TBXAS1: variants seen among roughly 807,000 people sequenced by gnomAD.
TBXAS1 encodes thromboxane-A synthase.
Under a neutral mutation model 60.7 loss-of-function variants are expected in TBXAS1, and 48 were observed. That is an observed-to-expected ratio of 0.79 (90% CI 0.63 to 1.01). The LOEUF is 1.01. Among genes scored for constraint, TBXAS1 ranks in the 50% least tolerant of loss-of-function variants. The pLI is 0.00. For synonymous variants in TBXAS1, 287 were observed against 269.7 expected (o/e 1.06, Z -0.63); for missense variants, 685 against 686.3 (o/e 1.00, Z 0.02).
At chr7:139,881,608 A>G (rs1444233452) in intron 3 of TBXAS1, among the ~76,000 whole-genome samples, 1 of 152,192 alleles carries the variant, frequency 6.6e-6, no homozygotes, top group Non-Finnish European at 1.5e-5. Context: ...TGCACTGAAT[A>G]TCCTCGTTTG....
intron 1 of TBXAS1, among the ~76,000 whole-genome samples, chr7:139,847,683 C>T (rs191150648): frequency 7.2e-5 from 11 of 152,292 alleles, no homozygotes; most frequent in Admixed American, 2.6e-4. Context: ...TATTTACCCC[C>T]GACCCCTGCA....
intron 10 of TBXAS1, among the ~76,000 whole-genome samples, chr7:140,008,391 T>G (rs73734173): frequency 0.1 from 15,648 of 151,946 alleles, 1,526 homozygotes; most frequent in African/African-American, 0.26. Context: ...TGTGCAGCCC[T>G]TCCCTGATCT....
chr7:139,884,303 T>C (rs1213124541), intron 3 of TBXAS1, among the ~76,000 whole-genome samples: 1 of 152,230 alleles, frequency 6.6e-6, no homozygotes, highest in Non-Finnish European at 1.5e-5. Context: ...TTCCAAGCCT[T>C]AACTCGGAAT....
chr7:139,897,781 A>G (rs886940871), intron 3 of TBXAS1, among the ~76,000 whole-genome samples: 3 of 152,168 alleles, frequency 2.0e-5, no homozygotes, highest in Non-Finnish European at 2.9e-5. Flanking sequence ...TGAGGGTAAC[A>G]TGGGCAGATG....
At chr7:139,791,183 T>C (rs1797370378) in intron 4 of TBXAS1, among the ~76,000 whole-genome samples, 1 of 152,208 alleles carries the variant, frequency 6.6e-6, no homozygotes, top group African/African-American at 2.4e-5. Context: ...TTGCCTCAGT[T>C]AGGTAACACT....
rs139210132 is a variant in TBXAS1 at position 139,971,243 on chromosome 7, G to C, written c.1134+9010G>C. Among the ~76,000 whole-genome samples the C allele has an allele frequency of 3.3e-3, 505 of 152,248 alleles. 4 individuals carry two copies. Among genetic ancestry groups the C allele is most frequent in the African/African-American group, 0.012 (484 of 41,548 alleles). On this transcript the variant is annotated intron_variant, in intron 9 of 12. Transcript: ENST00000448866. ...AGTTGCATCCTGACCACTAATATCA[G>C]AAAGGCCCCTCCTCCCAGCCCGTGA... is the stretch of plus-strand genomic sequence containing the variant.
intron 1 of TBXAS1, among the ~76,000 whole-genome samples, chr7:139,834,655 TA>T (rs1334282173): frequency 6.6e-6 from 1 of 152,020 alleles, no homozygotes; most frequent in East Asian, 1.9e-4. Flanking sequence ...CTGACACCAC[TA>T]AAATACAAAA....
chr7:139,829,304 A>G lies in TBXAS1; in HGVS notation c.-87A>G, dbSNP rs1798551880. 7.9e-7 allele frequency: 1 copy of G among 1,273,346 alleles called. No individual in the cohort carries two copies. The highest frequency in any genetic ancestry group is 1.3e-5 in the South Asian group (1 of 79,264). The allele number at this position is 1,273,346 out of a possible 1,614,324, so 78.9% of individuals were successfully genotyped here. ...TGCTTGGTTGCCTGTTCCCTTTTCT[A>G]CCTGCAGAGCACGGTTCCCATAAGG... On this transcript the variant is annotated 5_prime_UTR_variant, in exon 1 of 13. Transcript: ENST00000448866.
Position 139,975,676 on chromosome 7 carries a change from T to G in TBXAS1, c.1134+13443T>G, listed in dbSNP as rs970421421. Among the ~76,000 whole-genome samples the G allele has an allele frequency of 2.7e-4, 41 of 152,214 alleles. No individual in the cohort carries two copies. The highest frequency in any genetic ancestry group is 9.9e-4 in the African/African-American group (41 of 41,460). On this transcript the variant is annotated intron_variant, in intron 9 of 12. Transcript: ENST00000448866. This position sits in a 1 kb window ranked among gnomAD's most constrained non-coding sequence, Gnocchi z 4.4. Reference sequence around the variant, plus strand: ...ACCTTTGCAGGTATCATCTGTGACCTGTCATCCAGGCTCTGAGCCCTGAGG... The same window carrying G: ...ACCTTTGCAGGTATCATCTGTGACCGGTCATCCAGGCTCTGAGCCCTGAGG...
intron 1 of TBXAS1, among the ~76,000 whole-genome samples, chr7:139,846,986 C>T (rs74692484): frequency 0.037 from 5,650 of 152,116 alleles, 135 homozygotes; most frequent in Non-Finnish European, 0.052. Context: ...TACGGTCAAG[C>T]GGAGATAGTC....
intron 9 of TBXAS1, among the ~76,000 whole-genome samples, chr7:139,967,633 G>A (rs1245506318): frequency 6.6e-6 from 1 of 152,160 alleles, no homozygotes; most frequent in Non-Finnish European, 1.5e-5. Flanking sequence ...TCCCCTGATT[G>A]GCTTAGACTT....
rs544583311 is a variant in TBXAS1, at chr7:139,794,763, T to G, written c.-80+7337T>G. ...CCCACCTATGAGTGAGAATATGCGG[T>G]GTTTGGTTTTTTGTTCTTGTGATAG... On this transcript the variant is annotated intron_variant, in intron 4 of 16. Coordinates refer to the TBXAS1 transcript ENST00000336425. 4.7e-5 allele frequency among the ~76,000 whole-genome samples: 7 copies of G among 149,154 alleles called. No individual in the cohort carries two copies. The South Asian group carries it at 1.1e-3, about 23-fold the overall frequency.
At chr7:139,798,730 G>A (rs931016263) in intron 4 of TBXAS1, among the ~76,000 whole-genome samples, 10 of 152,238 alleles carry the variant, frequency 6.6e-5, no homozygotes, top group South Asian at 6.2e-4. Context: ...AGGAAGCTTC[G>A]GAATTTTCAA....
intron 9 of TBXAS1, among the ~76,000 whole-genome samples, chr7:139,986,391 T>TG (rs755837689): frequency 2.2e-4 from 33 of 152,262 alleles, no homozygotes; most frequent in Non-Finnish European, 4.7e-4. Context: ...CATAGATTAT[T>TG]GGGGAACAGG....
chr7:139,918,645 C>T (rs557886804), intron 4 of TBXAS1, among the ~76,000 whole-genome samples: 3 of 152,234 alleles, frequency 2.0e-5, no homozygotes, highest in African/African-American at 2.4e-5. Flanking sequence ...CTGGCTTCCT[C>T]CTCCTCCCCA....
chr7:139,977,691 C>T (rs1375589831), intron 9 of TBXAS1, among the ~76,000 whole-genome samples: 1 of 152,162 alleles, frequency 6.6e-6, no homozygotes, highest in Non-Finnish European at 1.5e-5. Context: ...CACCTCCATC[C>T]TTTTCCCTTT....
At chr7:139,785,624 C>T (rs1797167691) in intron 3 of TBXAS1, among the ~76,000 whole-genome samples, 1 of 152,040 alleles carries the variant, frequency 6.6e-6, no homozygotes, top group Admixed American at 6.6e-5. Context: ...CAGTCTCTCC[C>T]TCGTCTTTAA....
chr7:139,984,781 A>G (rs776664236), intron 9 of TBXAS1, among the ~76,000 whole-genome samples: 5 of 140,772 alleles, frequency 3.6e-5, no homozygotes, highest in Non-Finnish European at 6.2e-5. Flanking sequence ...AGAAAGAAAG[A>G]AAAGAAAGAA....
At chr7:139,842,474 A>G (rs1353031131) in intron 1 of TBXAS1, among the ~76,000 whole-genome samples, 4 of 152,230 alleles carry the variant, frequency 2.6e-5, no homozygotes, top group Non-Finnish European at 4.4e-5. Context: ...TACGCGGTCT[A>G]TGGGAACCCT....
Sources: allele counts gnomAD v4.1 joint callset (sites outside exome capture counted in the v4.1 genomes callset), GRCh38; gene constraint gnomAD v4.1.1; non-coding constraint Gnocchi (gnomAD v3.1); transcripts MANE v1.5; gene names NCBI Gene and HGNC (gene_info 2026-07-23, HGNC 2026-07-21).